ZNF688: variants seen among roughly 807,000 people sequenced by gnomAD.
The protein encoded by ZNF688 is zinc finger protein 688.
A neutral mutation model predicts 13.2 loss-of-function variants in ZNF688; 10 were observed. That is an observed-to-expected ratio of 0.76 (90% CI 0.47 to 1.28). The LOEUF (loss-of-function observed/expected upper bound fraction) is 1.28, where lower values mean the gene tolerates loss of function less well. Ranked by LOEUF, ZNF688 falls within the 50% of genes most tolerant of loss-of-function variation. The probability of loss-of-function intolerance (pLI) is 0.00; values close to 1 mark genes in which losing one functional copy is unlikely to be tolerated. For synonymous variants in ZNF688, 160 were observed against 159.4 expected (o/e 1.00, Z -0.03); for missense variants, 381 against 391.4 (o/e 0.97, Z 0.22).
chr16:30,571,274 AAC>A lies in ZNF688; in HGVS notation c.197-153_197-152del, dbSNP rs761289675. On this transcript the variant is annotated intron_variant, in intron 1 of 2. Transcript: ENST00000223459. ...CCTGAATGAAATGGATGCGGGTGAA[AAC>A]ACTCCCGAGGGGGTACCTGAAGCCC... 36 of 1,538,062 alleles carry A rather than the reference AAC, an allele frequency of 2.3e-5. No individual in the cohort carries two copies. In the African/African-American group the frequency reaches 4.9e-4, roughly 21 times the overall value.
the ZNF688 span, among the ~76,000 whole-genome samples, chr16:30,577,916 G>A: frequency 3.3e-5 from 5 of 150,326 alleles, no homozygotes; most frequent in Non-Finnish European, 5.9e-5. Flanking sequence ...GTGATCCACC[G>A]TCCTCGGCCT....
In ZNF688 at chr16:30,571,092, A is replaced by C. The variant is rs770075445; in HGVS notation, c.228T>G (p.Ser76=). The C allele has an allele frequency of 4.4e-6, 7 of 1,597,210 alleles. No individual in the cohort carries two copies. The highest frequency in any genetic ancestry group is 4.3e-6 in the Non-Finnish European group (5 of 1,172,456). ...AAGCCTCACTCTCCTGTTCCATCCA[A>C]GAGATGAGGGCTGGTTTGGGGCCTG... The part of the protein sequence containing the change: ...GFPGPKPALI[S]WMEQESEAWS... The change falls in exon 2 of 3, where the codon TCT becomes TCG. Residue 76 remains serine, a synonymous_variant. Transcript: ENST00000223459.
At position 30,571,693 on chromosome 16, in the gene ZNF688, C is replaced by G. The variant is rs1248715191; in HGVS notation, c.-64G>C. The G allele has an allele frequency of 1.0e-5, 14 of 1,360,610 alleles. No homozygotes were observed. Among genetic ancestry groups the G allele is most frequent in the African/African-American group, 1.5e-5 (1 of 64,784 alleles). 84.3% of individuals were successfully genotyped at this position (1,360,610 alleles called of 1,614,324 possible). ...GGAGCCGCCGCCTCCCCGCTCCCGG[C>G]CTCAGCTGTCGTTGTCCACAGGAAG... On this transcript the variant is annotated 5_prime_UTR_variant, in exon 1 of 3. Transcript: ENST00000223459.
At chr16:30,570,868 A>G (rs2051665447) in intron 2 of ZNF688, 142 bp downstream of exon 2, 1 of 942,450 alleles carries the variant, frequency 1.1e-6, no homozygotes, top group Non-Finnish European at 1.7e-6. Context: ...AAAACTTTGT[A>G]CCAGGTCTGC....
At chr16:30,575,840 G>C (rs562195449), upstream of ZNF688, among the ~76,000 whole-genome samples, 3 of 151,640 alleles carry the variant, frequency 2.0e-5, no homozygotes, top group Admixed American at 2.0e-4. Flanking sequence ...ATTTTTAGTA[G>C]AGATGAGGTT....
At chr16:30,573,989 G>C (rs1250146021), upstream of ZNF688, 2 of 239,110 alleles carry the variant, frequency 8.4e-6, no homozygotes, top group Admixed American at 5.3e-5. Context: ...GCTCACACCT[G>C]TAATCTCAGC....
rs775156806 is a variant in ZNF688 at position 30,571,077 on chromosome 16, C to G, written c.243G>C (p.Glu81Asp). The G allele has an allele frequency of 1.9e-6, 3 of 1,604,918 alleles. No homozygotes were observed. The highest frequency in any genetic ancestry group is 1.8e-5 in the Admixed American group (1 of 56,642). ...KPALISWMEQESEAWSPAAQD... is the reference protein window; with the variant it reads ...KPALISWMEQDSEAWSPAAQD... ...GGGCGGCGGGGCTCCAAGCCTCACT[C>G]TCCTGTTCCATCCAAGAGATGAGGG... Residue 81 changes from glutamate (E) to aspartate (D), a missense_variant, in exon 2 of 3, where the codon GAG becomes GAC. Transcript: ENST00000223459.
At chr16:30,577,381 CTT>C (rs768098748), upstream of ZNF688, among the ~76,000 whole-genome samples, 2,349 of 136,128 alleles carry the variant, frequency 0.017, 64 homozygotes, top group African/African-American at 0.056. Context: ...TTGAAAGAAA[CTT>C]TTTTTTTTTT....
At chr16:30,574,600 T>C (rs183867879), upstream of ZNF688, among the ~76,000 whole-genome samples, 2 of 152,022 alleles carry the variant, frequency 1.3e-5, no homozygotes, top group East Asian at 3.9e-4. Context: ...AATTTTTACA[T>C]ATTTATGGAG....
chr16:30,575,646 C>T (rs1396023138), upstream of ZNF688, among the ~76,000 whole-genome samples: 1 of 151,674 alleles, frequency 6.6e-6, no homozygotes, highest in East Asian at 1.9e-4. Context: ...TAGGAGTTCC[C>T]TTCTCTTTTT....
chr16:30,572,582 ATTTATTT>A, upstream of ZNF688: 1 of 292,108 alleles, frequency 3.4e-6, no homozygotes, highest in African/African-American at 2.2e-5. Context: ...ACATACATGA[ATTTATTT>A]TTTGTTTGTT....
In ZNF688 at chr16:30,570,320, C is replaced by G. The variant is rs1177776646; in HGVS notation, c.427G>C (p.Ala143Pro). 2 of 1,614,118 alleles carry G rather than the reference C, an allele frequency of 1.2e-6. No homozygotes were observed. Among genetic ancestry groups the G allele is most frequent in the Admixed American group, 3.3e-5 (2 of 60,010 alleles). The change falls in exon 3 of 3, where the codon GCT (alanine) becomes CCT (proline). Residue 143 changes from alanine to proline, a missense_variant. Physicochemically the swap from Ala to Pro is conservative, Grantham distance 27. Coordinates refer to ENST00000223459, the MANE Select transcript of ZNF688 (RefSeq NM_145271.4). The stretch of plus-strand genomic sequence containing the variant: ...GCCCGTGCCGGGGCCACGCTAATAG[C>G]TGGGTCAGGGTTGCGTTCCACCAGC... ...EVLVERNPDP[A>P]ISVAPARAQP...
At chr16:30,570,969 C>A (rs368419270) in intron 2 of ZNF688, 41 bp downstream of exon 2, 46 of 1,603,540 alleles carry the variant, frequency 2.9e-5, no homozygotes, top group Non-Finnish European at 3.6e-5. Flanking sequence ...AGACAGGAAG[C>A]CCTGGAAAAC....
the ZNF688 span, chr16:30,579,736 G>C: frequency 5.5e-4 from 246 of 448,974 alleles, 2 homozygotes; most frequent in South Asian, 3.0e-3. Context: ...TCTTTTCAAA[G>C]AGATATTTGA....
chr16:30,574,652 A>G (rs2051730655), upstream of ZNF688, among the ~76,000 whole-genome samples: 1 of 152,216 alleles, frequency 6.6e-6, no homozygotes, highest in Non-Finnish European at 1.5e-5. Flanking sequence ...AGAATGTACA[A>G]TAATCAAGTC....
In ZNF688 at chr16:30,571,523, G is replaced by A. The variant is rs780826347; in HGVS notation, c.107C>T (p.Ser36Phe). ...VSFADVAVYF[S>F]PEEWGCLRPA... ...CCGCAGACAGCCCCACTCCTCCGGG[G>A]AGAAGTACACGGCCACGTCCGCGAA... Residue 36 changes from serine to phenylalanine, a missense_variant, in exon 1 of 3, where the codon TCC (serine) becomes TTC (phenylalanine). Coordinates refer to ENST00000223459, the MANE Select transcript of ZNF688 (RefSeq NM_145271.4). The A allele has an allele frequency of 6.3e-7, 1 of 1,589,616 alleles. No individual in the cohort carries two copies. The highest frequency in any genetic ancestry group is 8.6e-7 in the Non-Finnish European group (1 of 1,168,932).
At chr16:30,574,454 A>G (rs1371101552), upstream of ZNF688, among the ~76,000 whole-genome samples, 1 of 151,996 alleles carries the variant, frequency 6.6e-6, no homozygotes, top group Non-Finnish European at 1.5e-5. Flanking sequence ...GCTGAGGCAC[A>G]AGAATGGCTT....
upstream of ZNF688, among the ~76,000 whole-genome samples, chr16:30,575,268 C>G (rs1046237452): frequency 7.1e-6 from 1 of 140,388 alleles, no homozygotes. Flanking sequence ...TTTTTTGAGA[C>G]GGAGTTTTGC....
In ZNF688 at chr16:30,571,136, A is replaced by G; in HGVS notation, c.197-13T>C. ...GGGCCTGGGAATCCTGGGAGAGAAC[A>G]GGGATCACAGCGCGGGCCTGAGAGG... is the stretch of plus-strand genomic sequence containing the variant. On this transcript the variant is annotated splice_polypyrimidine_tract_variant and intron_variant, in intron 1 of 2. Transcript: ENST00000223459. The G allele has an allele frequency of 6.4e-7, 1 of 1,569,210 alleles. No homozygotes were observed. Among genetic ancestry groups the G allele is most frequent in the Non-Finnish European group, 8.6e-7 (1 of 1,157,894 alleles).
Sources: allele counts gnomAD v4.1 joint callset (sites outside exome capture counted in the v4.1 genomes callset), GRCh38; gene constraint gnomAD v4.1.1; transcripts MANE v1.5; gene names NCBI Gene and HGNC (gene_info 2026-07-23, HGNC 2026-07-21).